Variants in RCOR1 observed in about 807,000 individuals in gnomAD.
RCOR1 encodes REST corepressor.
A neutral mutation model predicts 64.0 loss-of-function variants in RCOR1; 12 were observed. That is an observed-to-expected ratio of 0.19 (90% CI 0.12 to 0.30). The LOEUF is 0.30. Among genes scored for constraint, RCOR1 ranks in the 10% least tolerant of loss-of-function variants. The pLI is 1.00. For synonymous variants in RCOR1, 279 were observed against 227.2 expected (o/e 1.23, Z -2.05); for missense variants, 502 against 621.2 (o/e 0.81, Z 2.04).
chr14:102,641,214 C>A (rs1395607023), intron 2 of RCOR1, among the ~76,000 whole-genome samples: 1 of 152,040 alleles, frequency 6.6e-6, no homozygotes, highest in Non-Finnish European at 1.5e-5. Context: ...GAAATTGCAC[C>A]ACTGCACTCC....
At chr14:102,693,079 T>G (rs764276297) in intron 3 of RCOR1, among the ~76,000 whole-genome samples, 9 of 152,220 alleles carry the variant, frequency 5.9e-5, no homozygotes, top group Non-Finnish European at 1.2e-4. Flanking sequence ...ATCCCATTCT[T>G]GAACATTTAG....
chr14:102,617,643 G>T (rs1893789564), intron 2 of RCOR1, among the ~76,000 whole-genome samples: 1 of 148,386 alleles, frequency 6.7e-6, no homozygotes, highest in Non-Finnish European at 1.5e-5. Flanking sequence ...AGGCTGGAGT[G>T]CAGTGGCACA....
intron 6 of RCOR1, among the ~76,000 whole-genome samples, chr14:102,710,105 T>G (rs1470389702): frequency 6.6e-6 from 1 of 152,220 alleles, no homozygotes; most frequent in Non-Finnish European, 1.5e-5. Context: ...CCGAAGGCTC[T>G]TTCTTGTTGT....
At position 102,691,356 on chromosome 14, in the gene RCOR1, T is replaced by G. The variant is rs1205557950; in HGVS notation, c.445+9378T>G. Among the ~76,000 whole-genome samples, 5 of 152,154 alleles carry G rather than the reference T, an allele frequency of 3.3e-5. 1 individual carries two copies. Among genetic ancestry groups the G allele is most frequent in the African/African-American group, 1.2e-4 (5 of 41,434 alleles). The stretch of plus-strand genomic sequence containing the variant: ...ACAAGGGCTTAAAAAGAACCTGTGC[T>G]GAGTGAGTCATGGGTTCATTTGTAC... On this transcript the variant is annotated intron_variant, in intron 3 of 11. Coordinates refer to ENST00000262241, the MANE Select transcript of RCOR1 (RefSeq NM_015156.4).
Position 102,627,934 on chromosome 14 carries a change from G to C in RCOR1, c.361+34609G>C, listed in dbSNP as rs191224436. 9.0e-5 allele frequency among the ~76,000 whole-genome samples: 13 copies of C among 144,806 alleles called. No homozygotes were observed. In the East Asian group the frequency reaches 2.7e-3, roughly 30 times the overall value. 95.0% of individuals were successfully genotyped at this position (144,806 alleles called of 152,430 possible). On this transcript the variant is annotated intron_variant, in intron 2 of 11. Transcript: ENST00000262241. ...TATATGTATATAATATGTATGAAGG[G>C]TTTATATATGCATAAATTTAAAAGG...
At chr14:102,667,604 C>A (rs1298345569) in intron 2 of RCOR1, among the ~76,000 whole-genome samples, 1 of 152,094 alleles carries the variant, frequency 6.6e-6, no homozygotes, top group Non-Finnish European at 1.5e-5. Flanking sequence ...CGAATTTAGC[C>A]TGCAACCTTT....
chr14:102,697,082 G>A (rs931478382), intron 3 of RCOR1, among the ~76,000 whole-genome samples: 3 of 152,322 alleles, frequency 2.0e-5, no homozygotes, highest in Non-Finnish European at 4.4e-5. Context: ...TGAGGATTAT[G>A]TAGAGCAGGA....
chr14:102,660,785 T>C (rs1417458314), intron 2 of RCOR1, among the ~76,000 whole-genome samples: 1 of 152,250 alleles, frequency 6.6e-6, no homozygotes, highest in Non-Finnish European at 1.5e-5. Flanking sequence ...TGATTATTAC[T>C]ATACTGGTAT....
intron 2 of RCOR1, among the ~76,000 whole-genome samples, chr14:102,638,660 T>C (rs545970402): frequency 2.6e-5 from 4 of 152,156 alleles, no homozygotes; most frequent in East Asian, 3.9e-4. Flanking sequence ...GTAGTGTTTT[T>C]TTTTCTTTTC....
chr14:102,606,564 A>C (rs1294434994), intron 2 of RCOR1, among the ~76,000 whole-genome samples: 1 of 151,770 alleles, frequency 6.6e-6, no homozygotes, highest in Admixed American at 6.6e-5. Flanking sequence ...TAGTGGTGTC[A>C]TGTATGTCTG....
chr14:102,647,111 A>C (rs973112893), intron 2 of RCOR1, among the ~76,000 whole-genome samples: 1 of 152,182 alleles, frequency 6.6e-6, no homozygotes, highest in African/African-American at 2.4e-5. Flanking sequence ...GAGCAGACCC[A>C]CTGAGTGCCC....
intron 2 of RCOR1, among the ~76,000 whole-genome samples, chr14:102,640,992 G>A (rs1894356800): frequency 6.6e-6 from 1 of 152,142 alleles, no homozygotes; most frequent in African/African-American, 2.4e-5. Flanking sequence ...GGTGGCTCAC[G>A]CCTGTAATCC....
chr14:102,655,118 T>C (rs1208461072), intron 2 of RCOR1: 3 of 295,012 alleles, frequency 1.0e-5, no homozygotes, highest in African/African-American at 7.0e-5. Context: ...ACCTTTTTTT[T>C]TTTTTTTTTT....
At chr14:102,719,355 C>T (rs914260374) in intron 8 of RCOR1, among the ~76,000 whole-genome samples, 5 of 152,114 alleles carry the variant, frequency 3.3e-5, no homozygotes, top group African/African-American at 7.2e-5. Context: ...GCACCCACTT[C>T]GTCATTTACA....
chr14:102,659,173 CT>C (rs1474204293), intron 2 of RCOR1: 1 of 984,858 alleles, frequency 1.0e-6, no homozygotes, highest in Non-Finnish European at 1.2e-6. Flanking sequence ...AAAAGAAGCT[CT>C]TTAGATAAAA....
intron 2 of RCOR1, among the ~76,000 whole-genome samples, chr14:102,676,908 A>C (rs1480932270): frequency 1.5e-4 from 8 of 52,092 alleles, no homozygotes; most frequent in South Asian, 8.1e-4. Flanking sequence ...CGGGGGGCTG[A>C]CCCCCCCACC....
At chr14:102,610,556 T>C (rs1893608667) in intron 2 of RCOR1, among the ~76,000 whole-genome samples, 1 of 151,840 alleles carries the variant, frequency 6.6e-6, no homozygotes, top group Admixed American at 6.6e-5. Context: ...ATTATTGCTA[T>C]TATTATTATT....
At chr14:102,613,391 C>T (rs982758216) in intron 2 of RCOR1, among the ~76,000 whole-genome samples, 3 of 151,478 alleles carry the variant, frequency 2.0e-5, no homozygotes, top group East Asian at 1.9e-4. Context: ...TGTGAGCCAT[C>T]GCACCTGGCC....
At chr14:102,606,568 A>C (rs931413060) in intron 2 of RCOR1, among the ~76,000 whole-genome samples, 6 of 151,358 alleles carry the variant, frequency 4.0e-5, no homozygotes, top group Non-Finnish European at 8.8e-5. Flanking sequence ...GGTGTCATGT[A>C]TGTCTGATTT....
Sources: allele counts gnomAD v4.1 joint callset (sites outside exome capture counted in the v4.1 genomes callset), GRCh38; gene constraint gnomAD v4.1.1; transcripts MANE v1.5; gene names NCBI Gene and HGNC (gene_info 2026-07-23, HGNC 2026-07-21).